Variants in ACACA observed in about 807,000 individuals in gnomAD.
The protein encoded by ACACA is acetyl-CoA carboxylase alpha.
Under a neutral mutation model 296.1 loss-of-function variants are expected in ACACA, and 103 were observed. The observed-to-expected ratio is 0.35, with a 90% CI of 0.30 to 0.41. The LOEUF is 0.41. ACACA is among the 10% of genes least tolerant of loss of function. The probability of loss-of-function intolerance (pLI) is 1.00; values close to 1 mark genes in which losing one functional copy is unlikely to be tolerated. For synonymous variants in ACACA, 953 were observed against 1,038.6 expected, an observed-to-expected ratio of 0.92 and a Z score of 1.58; for missense variants, 1,554 against 2,989.7, an observed-to-expected ratio of 0.52 and a Z score of 11.20.
intron 45 of ACACA, among the ~76,000 whole-genome samples, chr17:37,132,863 T>C (rs2075166859): frequency 6.6e-6 from 1 of 152,244 alleles, no homozygotes; most frequent in Non-Finnish European, 1.5e-5. Context: ...TTATCTATTC[T>C]ACCCCATATT....
At chr17:37,390,330 A>ATATATATATATCTATATCTATATC (rs1386032855) in intron 1 of ACACA, among the ~76,000 whole-genome samples, 6 of 41,578 alleles carry the variant, frequency 1.4e-4, no homozygotes, top group African/African-American at 6.4e-4. Context: ...ATATATATAT[A>ATATATATATATCTATATCTATATC]TATAAAAGGC....
intron 27 of ACACA, among the ~76,000 whole-genome samples, chr17:37,224,725 A>C (rs1404512841): frequency 6.6e-6 from 1 of 152,000 alleles, no homozygotes; most frequent in Non-Finnish European, 1.5e-5. Flanking sequence ...TTCTAGGTAA[A>C]GTACAAAGAT....
intron 25 of ACACA, among the ~76,000 whole-genome samples, chr17:37,231,161 T>A (rs146855680): frequency 5.3e-5 from 8 of 151,732 alleles, no homozygotes; most frequent in African/African-American, 1.9e-4. Flanking sequence ...CCGAGACCGT[T>A]TGAGCACAGA....
At chr17:37,398,004 G>A (rs1440803240) in intron 1 of ACACA, among the ~76,000 whole-genome samples, 2 of 152,096 alleles carry the variant, frequency 1.3e-5, no homozygotes, top group African/African-American at 2.4e-5. Context: ...GCCGAGGCAG[G>A]TGGATCACAA....
intron 43 of ACACA, 104 bp from the exon 44 acceptor site, chr17:37,151,525 TTATATTTAATGCCAG>T: frequency 7.3e-7 from 1 of 1,371,018 alleles, no homozygotes; most frequent in Non-Finnish European, 1.0e-6. Context: ...TATTGAAAGC[TTATATTTAATGCCAG>T]GGCTTTATGT....
At chr17:37,141,451 G>C (rs2075575246) in intron 45 of ACACA, 1 of 291,788 alleles carries the variant, frequency 3.4e-6, no homozygotes, top group East Asian at 9.0e-5. Flanking sequence ...TTTGTAGAGG[G>C]GGTCTTGCTT....
At chr17:37,341,689 CAAA>C (rs11433722) in intron 1 of ACACA, among the ~76,000 whole-genome samples, 3 of 85,688 alleles carry the variant, frequency 3.5e-5, no homozygotes, top group Admixed American at 1.3e-4. Context: ...GACTCTGTCT[CAAA>C]AAAAAAAAAA....
chr17:37,158,933 T>C (rs940521577), intron 42 of ACACA, among the ~76,000 whole-genome samples: 2 of 151,976 alleles, frequency 1.3e-5, no homozygotes, highest in Non-Finnish European at 2.9e-5. Context: ...ATCTCAGCAC[T>C]TGGGGAGGCC....
chr17:37,387,035 TCA>T (rs1412367304), intron 1 of ACACA: 5 of 152,384 alleles, frequency 3.3e-5, no homozygotes, highest in African/African-American at 1.2e-4. Flanking sequence ...CAAGCTGGTC[TCA>T]GACTCCTGGG....
At position 37,206,877 on chromosome 17, in the gene ACACA, A is replaced by T. The variant is rs2078524798; in HGVS notation, c.3854T>A (p.Ile1285Asn). The change falls in exon 32 of 56, where the codon ATC becomes AAC. Residue 1285 changes from isoleucine (I) to asparagine (N), a missense_variant and splice_region_variant. This residue lies in a region of ACACA where 179 missense variants were observed against 283.2 expected (regional missense o/e 0.63). Transcript: ENST00000616317. ...SFRTFEDFVRIFDEVMGCFSD... is the reference protein window; with the variant it reads ...SFRTFEDFVRNFDEVMGCFSD... ...GAAGCAGCCCATCACTTCATCAAAG[A>T]TCCTAAAAAATACAAGAGAAACACC... 3.7e-6 allele frequency: 6 copies of T among 1,611,864 alleles called. No homozygotes were observed. Among genetic ancestry groups the T allele is most frequent in the Non-Finnish European group, 5.1e-6 (6 of 1,177,996 alleles).
At chr17:37,222,857 T>C (rs2145674075) in intron 28 of ACACA, among the ~76,000 whole-genome samples, 1 of 152,334 alleles carries the variant, frequency 6.6e-6, no homozygotes, top group Non-Finnish European at 1.5e-5. Flanking sequence ...GCAATTTTTG[T>C]GCTTAATGAG....
chr17:37,245,065 C>CAA lies in ACACA; in HGVS notation c.2595+14_2595+15insTT, dbSNP rs2080625572. 6.2e-7 allele frequency: 1 copy of CAA among 1,614,020 alleles called. No homozygotes were observed. On this transcript the variant is annotated intron_variant, in intron 20 of 55. Transcript: ENST00000616317. The stretch of plus-strand genomic sequence containing the variant: ...AGCTCTTAGAGAGCAATATTCGGAG[C>CAA]ACCTTCCTACTCACCTGCTGAACCT...
chr17:37,370,453 C>G (rs1341838423), intron 1 of ACACA, among the ~76,000 whole-genome samples: 1 of 146,686 alleles, frequency 6.8e-6, no homozygotes, highest in Non-Finnish European at 1.5e-5. Context: ...TCAAGACCAG[C>G]CTGGGCAACA....
chr17:37,388,389 T>C (rs2050642238), intron 1 of ACACA, among the ~76,000 whole-genome samples: 1 of 152,008 alleles, frequency 6.6e-6, no homozygotes, highest in African/African-American at 2.4e-5. Flanking sequence ...CTGCGAGCAG[T>C]GTAAGAATCA....
chr17:37,240,908 T>C (rs2080363366), intron 23 of ACACA, among the ~76,000 whole-genome samples: 1 of 152,122 alleles, frequency 6.6e-6, no homozygotes, highest in African/African-American at 2.4e-5. Context: ...AAGTGTTCTG[T>C]GAGGCCGGTT....
chr17:37,247,564 A>G lies in ACACA; in HGVS notation c.2309+447T>C, dbSNP rs182152066. On this transcript the variant is annotated intron_variant, in intron 18 of 55. Coordinates refer to ENST00000616317, the MANE Select transcript of ACACA (RefSeq NM_198834.3). Reference sequence around the variant, plus strand: ...GTATTTTTAGTAGAGACAGGGTTTCACCACATTGGCCACACCGGTCTTGAA... The same window carrying G: ...GTATTTTTAGTAGAGACAGGGTTTCGCCACATTGGCCACACCGGTCTTGAA... 2.5e-3 allele frequency among the ~76,000 whole-genome samples: 382 copies of G among 152,170 alleles called. 2 individuals carry two copies. Among genetic ancestry groups the G allele is most frequent in the African/African-American group, 8.7e-3 (361 of 41,520 alleles).
intron 42 of ACACA, among the ~76,000 whole-genome samples, chr17:37,157,497 T>A (rs1311570534): frequency 6.6e-6 from 1 of 151,596 alleles, no homozygotes; most frequent in African/African-American, 2.4e-5. Context: ...AAAAATTTTG[T>A]GATCTGATTT....
chr17:37,241,867 C>A (rs1053925328), intron 23 of ACACA, 86 bp downstream of exon 23: 9 of 1,053,472 alleles, frequency 8.5e-6, no homozygotes, highest in Non-Finnish European at 1.3e-5. Context: ...GAAGTCAAAT[C>A]TGAGGTAAAT....
chr17:37,217,966 A>G (rs950302482), intron 29 of ACACA, among the ~76,000 whole-genome samples: 2 of 151,926 alleles, frequency 1.3e-5, no homozygotes, highest in African/African-American at 4.8e-5. Flanking sequence ...TCTGTTTTAT[A>G]TTGATAAGTA....
Sources: gnomAD v4.1 joint callset for allele counts (sites outside exome capture counted in the v4.1 genomes callset) on GRCh38, gnomAD v4.1.1 for gene constraint, gnomAD v4.1.1 regional missense constraint, MANE v1.5 for transcripts, NCBI Gene and HGNC (gene_info 2026-07-23, HGNC 2026-07-21) for gene names.